The following TIAM1 variants were observed in gnomAD, a reference collection of about 807,000 sequenced individuals.
TIAM1 encodes the protein rho guanine nucleotide exchange factor TIAM1.
In TIAM1, 65 loss-of-function variants were observed where a neutral mutation model predicts 163.5. The ratio of observed to expected loss-of-function variants is 0.40; its 90% CI spans 0.33 to 0.49. The LOEUF (loss-of-function observed/expected upper bound fraction) is 0.49. TIAM1 is among the 20% of genes least tolerant of loss of function. The pLI is 0.77. For synonymous variants in TIAM1, 833 were observed against 810.1 expected (o/e 1.03, Z -0.48); for missense variants, 1,789 against 2,044.7 (o/e 0.87, Z 2.41).
intron 6 of TIAM1, among the ~76,000 whole-genome samples, chr21:31,240,027 G>C (rs915149174): frequency 1.3e-5 from 2 of 152,182 alleles, no homozygotes; most frequent in Admixed American, 1.3e-4. Flanking sequence ...ACAGGTACAA[G>C]AGTGCTCACA....
chr21:31,386,165 G>A (rs1488431271), intron 2 of TIAM1, among the ~76,000 whole-genome samples: 8 of 152,036 alleles, frequency 5.3e-5, no homozygotes, highest in African/African-American at 9.7e-5. Context: ...CAGCTATCTC[G>A]AGGCTCTGAG....
intron 5 of TIAM1, among the ~76,000 whole-genome samples, chr21:31,249,844 C>T (rs2071697727): frequency 6.6e-6 from 1 of 152,140 alleles, no homozygotes; most frequent in South Asian, 2.1e-4. Context: ...AAGACCACTA[C>T]AGCAAAAAAT....
chr21:31,352,465 T>TTA (rs908934384), intron 2 of TIAM1, among the ~76,000 whole-genome samples: 1 of 151,270 alleles, frequency 6.6e-6, no homozygotes, highest in Admixed American at 6.6e-5. Flanking sequence ...AACTTTTATG[T>TTA]TATATATATC....
chr21:31,188,751 T>C lies in TIAM1; in HGVS notation c.2576-1664A>G, dbSNP rs530121496. Among the ~76,000 whole-genome samples the C allele has an allele frequency of 2.6e-5, 4 of 152,060 alleles. No individual in the cohort carries two copies. In the South Asian group the frequency reaches 8.3e-4, roughly 32 times the overall value. ...ACCATGCTTGACTGATTTTTTAATT[T>C]TTTTTAGAGATGGGGTCTTACTATG... is the stretch of plus-strand genomic sequence containing the variant. On this transcript the variant is annotated intron_variant, in intron 13 of 27. Coordinates refer to ENST00000541036, the MANE Select transcript of TIAM1 (RefSeq NM_001353694.2).
intron 2 of TIAM1, among the ~76,000 whole-genome samples, chr21:31,411,403 A>G (rs1007689437): frequency 6.6e-6 from 1 of 151,524 alleles, no homozygotes. Context: ...GCATGTCTCA[A>G]CCCTGCCACA....
intron 1 of TIAM1, among the ~76,000 whole-genome samples, chr21:31,551,679 G>A (rs888998572): frequency 2.6e-5 from 4 of 152,152 alleles, no homozygotes; most frequent in Admixed American, 2.6e-4. Flanking sequence ...GGTGCTTGAG[G>A]CTGCAGTGAG....
At position 31,124,308 on chromosome 21, in the gene TIAM1, G is replaced by A. The variant is rs930913910; in HGVS notation, c.4306+214C>T. ...AGGGAGGCAAAGGGAAGGCTTGAGG[G>A]AGGACAAGAGGAATGTAGATACAGG... On this transcript the variant is annotated intron_variant, in intron 27 of 27. Transcript: ENST00000541036. 3.3e-5 allele frequency: 16 copies of A among 487,086 alleles called. No homozygotes were observed. The Admixed American group carries it at 3.5e-4, about 11-fold the overall frequency. 30.2% of individuals were successfully genotyped at this position (487,086 alleles called of 1,614,324 possible). A position where few individuals can be genotyped will look rare whatever the true frequency, so the allele number is the denominator to read the frequency against.
intron 2 of TIAM1, among the ~76,000 whole-genome samples, chr21:31,424,157 T>C (rs2043698751): frequency 6.6e-6 from 1 of 152,260 alleles, no homozygotes; most frequent in African/African-American, 2.4e-5. Flanking sequence ...CATGGTCTTC[T>C]TTCTTTTTCA....
At chr21:31,183,559 C>T (rs1233614218) in intron 14 of TIAM1, among the ~76,000 whole-genome samples, 3 of 152,166 alleles carry the variant, frequency 2.0e-5, no homozygotes, top group Admixed American at 6.5e-5. Context: ...ATTGCAGGAA[C>T]GAGAAGCCTC....
chr21:31,240,329 C>CT (rs1175011994), intron 6 of TIAM1, among the ~76,000 whole-genome samples: 1 of 152,164 alleles, frequency 6.6e-6, no homozygotes, highest in Non-Finnish European at 1.5e-5. Context: ...AGAAATTAAT[C>CT]TAAGTTCTGC....
chr21:31,328,031 C>T (rs2075552853), intron 2 of TIAM1, among the ~76,000 whole-genome samples: 2 of 152,114 alleles, frequency 1.3e-5, no homozygotes, highest in Non-Finnish European at 1.5e-5. Context: ...AAACTTCCAA[C>T]ATGCCCAGCC....
At chr21:31,511,143 G>C (rs769211389) in intron 1 of TIAM1, among the ~76,000 whole-genome samples, 1 of 152,184 alleles carries the variant, frequency 6.6e-6, no homozygotes, top group African/African-American at 2.4e-5. Context: ...CTGAGTCTGG[G>C]CTTGTGCCCT....
At chr21:31,488,030 CTA>C (rs2046336447) in intron 1 of TIAM1, among the ~76,000 whole-genome samples, 1 of 152,166 alleles carries the variant, frequency 6.6e-6, no homozygotes, top group East Asian at 1.9e-4. Flanking sequence ...AGGAAGAAAT[CTA>C]TAGTCTATTT....
At position 31,120,394 on chromosome 21, in the gene TIAM1, A is replaced by AG; in HGVS notation, c.4749dup (p.Ser1584LeufsTer7). 1 of 1,611,528 alleles carries AG rather than the reference A, an allele frequency of 6.2e-7. No individual in the cohort carries two copies. The highest frequency in any genetic ancestry group is 8.5e-7 in the Non-Finnish European group (1 of 1,178,508). On this transcript the variant is annotated frameshift_variant, in exon 28 of 28. Transcript: ENST00000541036. LOFTEE classifies it high-confidence loss of function. The surrounding 1 kb of genome is among the most constrained non-coding windows in gnomAD (Gnocchi z 4.2). ...CAGATCTCAGTGTTCAGTTTCCTGG[A>AG]GGGGGCAAAGTCTTCACGCCTAACC...
intron 2 of TIAM1, among the ~76,000 whole-genome samples, chr21:31,435,069 C>T (rs188542570): frequency 5.9e-5 from 9 of 152,312 alleles, no homozygotes; most frequent in Non-Finnish European, 1.2e-4. Flanking sequence ...TTCTTGGCTT[C>T]CTTCCCTAAG....
At chr21:31,262,207 A>G (rs2146797959) in intron 4 of TIAM1, among the ~76,000 whole-genome samples, 1 of 152,340 alleles carries the variant, frequency 6.6e-6, no homozygotes, top group Middle Eastern at 3.4e-3. Context: ...ATTCCCTTGC[A>G]GAATCTCCAG....
chr21:31,171,046 A>C (rs868443223), intron 15 of TIAM1, among the ~76,000 whole-genome samples: 2,190 of 149,768 alleles, frequency 0.015, 81 homozygotes, highest in African/African-American at 0.051. Flanking sequence ...AAAAAAAAAA[A>C]AAAAAAAAAA....
At chr21:31,380,345 A>C (rs1238780753) in intron 2 of TIAM1, among the ~76,000 whole-genome samples, 2 of 152,162 alleles carry the variant, frequency 1.3e-5, no homozygotes, top group African/African-American at 4.8e-5. Context: ...GGAGTTCGAG[A>C]CCAGCCTGTC....
At chr21:31,286,073 A>G (rs753899814) in intron 2 of TIAM1, among the ~76,000 whole-genome samples, 39 of 152,210 alleles carry the variant, frequency 2.6e-4, no homozygotes, top group Non-Finnish European at 4.3e-4. Context: ...TTGGGAAATA[A>G]GAGTTTCCAT....
Sources: allele counts gnomAD v4.1 joint callset (sites outside exome capture counted in the v4.1 genomes callset), GRCh38; gene constraint gnomAD v4.1.1; non-coding constraint Gnocchi (gnomAD v3.1); transcripts MANE v1.5; gene names NCBI Gene and HGNC (gene_info 2026-07-23, HGNC 2026-07-21).